ATP6V0E1: variants seen among roughly 807,000 people sequenced by gnomAD.
ATP6V0E1 encodes the protein ATPase H+ transporting V0 subunit e1, also known as V-type proton ATPase subunit e 1.
ATP6V0E1 carries 4 observed loss-of-function variants against 11.6 expected under a neutral mutation model. The ratio of observed to expected loss-of-function variants is 0.35; its 90% CI spans 0.17 to 0.79. The LOEUF is 0.79. Ranked by LOEUF, ATP6V0E1 falls within the 30% of genes least tolerant of loss-of-function variation. ATP6V0E1 has a pLI of 0.54. For missense variants in ATP6V0E1, 105 were observed against 100.0 expected, an observed-to-expected ratio of 1.05 and a Z score of -0.21; for synonymous variants, 36 against 34.8, an observed-to-expected ratio of 1.04 and a Z score of -0.13.
At chr5:173,030,592 C>T (rs1357862651) in intron 3 of ATP6V0E1, among the ~76,000 whole-genome samples, 1 of 151,884 alleles carries the variant, frequency 6.6e-6, no homozygotes, top group African/African-American at 2.4e-5. Context: ...AGGAATGTGC[C>T]ACCATACCCG....
chr5:172,992,196 G>A (rs1262947300), intron 1 of ATP6V0E1, among the ~76,000 whole-genome samples: 38 of 152,026 alleles, frequency 2.5e-4, no homozygotes, highest in Admixed American at 1.3e-3. Context: ...GACTACAGGC[G>A]CCCGCCACCA....
In ATP6V0E1 at chr5:172,983,948, A is replaced by C; in HGVS notation, c.88A>C (p.Lys30Gln). 1.9e-6 allele frequency: 3 copies of C among 1,612,702 alleles called. No homozygotes were observed. The highest frequency in any genetic ancestry group is 2.5e-6 in the Non-Finnish European group (3 of 1,179,768). Residue 30 changes from lysine to glutamine, a missense_variant, in exon 1 of 4, where the codon AAG becomes CAG. Physicochemically the swap from Lys to Gln is moderately conservative, Grantham distance 53. Transcript: ENST00000519374. Reference sequence around the variant, plus strand: ...CTTCTTGGTGCCTTGGTTCATCCCTAAGGGTCCTAACCGGGGGTAAGTGCG... The same window carrying C: ...CTTCTTGGTGCCTTGGTTCATCCCTCAGGGTCCTAACCGGGGGTAAGTGCG... ...VGFLVPWFIP[K>Q]GPNRGVIITM...
rs576869340 is a variant in ATP6V0E1, at chr5:173,005,434, G to T, written c.152+10612G>T. On this transcript the variant is annotated intron_variant, in intron 2 of 3. Transcript: ENST00000519374. ...TTGCCATGTTGCCCAGGATGGTCTC[G>T]ATCTCCTGGGCTCAAACGATCTGCC... 2.1e-3 allele frequency among the ~76,000 whole-genome samples: 318 copies of T among 152,240 alleles called. 1 individual carries two copies. The highest frequency in any genetic ancestry group is 4.1e-3 in the Non-Finnish European group (277 of 68,022).
At chr5:173,026,804 G>C (rs1410948429) in intron 3 of ATP6V0E1, among the ~76,000 whole-genome samples, 1 of 152,072 alleles carries the variant, frequency 6.6e-6, no homozygotes, top group African/African-American at 2.4e-5. Flanking sequence ...GCAATCTCTG[G>C]TTTAAAGATA....
At chr5:173,000,867 T>A in intron 2 of ATP6V0E1, among the ~76,000 whole-genome samples, 1 of 152,162 alleles carries the variant, frequency 6.6e-6, no homozygotes, top group African/African-American at 2.4e-5. Flanking sequence ...TGCCTGGCTA[T>A]TTTTTGTATT....
intron 3 of ATP6V0E1, among the ~76,000 whole-genome samples, chr5:173,031,064 G>T (rs1315652873): frequency 1.3e-5 from 2 of 151,418 alleles, no homozygotes; most frequent in South Asian, 2.1e-4. Context: ...CCTGCCTCAG[G>T]CTCCCAAGTA....
intron 3 of ATP6V0E1, among the ~76,000 whole-genome samples, chr5:173,022,736 G>T (rs1290369339): frequency 6.6e-6 from 1 of 152,078 alleles, no homozygotes; most frequent in African/African-American, 2.4e-5. Flanking sequence ...TGGCTCAAGT[G>T]ATCCTCCTGC....
intron 1 of ATP6V0E1, among the ~76,000 whole-genome samples, chr5:172,988,764 C>T (rs1402227655): frequency 2.0e-5 from 3 of 152,138 alleles, no homozygotes; most frequent in Non-Finnish European, 4.4e-5. Flanking sequence ...TCTCGGCTCA[C>T]TGAAACCTCC....
intron 3 of ATP6V0E1, among the ~76,000 whole-genome samples, chr5:173,025,140 A>ATTCTTTT: frequency 9.0e-6 from 1 of 111,016 alleles, no homozygotes; most frequent in East Asian, 2.6e-4. Flanking sequence ...TGTGCCTGGC[A>ATTCTTTT]TTCTTTTTTT....
At chr5:173,012,346 G>A (rs937289799) in intron 2 of ATP6V0E1, among the ~76,000 whole-genome samples, 2 of 151,502 alleles carry the variant, frequency 1.3e-5, no homozygotes, top group Admixed American at 6.6e-5. Context: ...AGATGTGTGC[G>A]TGTGTGTGTA....
intron 2 of ATP6V0E1, among the ~76,000 whole-genome samples, chr5:173,000,467 C>G (rs1581627666): frequency 6.6e-6 from 1 of 152,262 alleles, no homozygotes; most frequent in South Asian, 2.1e-4. Flanking sequence ...TGTGAAGACA[C>G]AGTTGTTTCT....
At chr5:173,017,591 C>G (rs1756420659) in intron 2 of ATP6V0E1, among the ~76,000 whole-genome samples, 1 of 150,106 alleles carries the variant, frequency 6.7e-6, no homozygotes, top group Non-Finnish European at 1.5e-5. Context: ...GCCTGTAATC[C>G]CAGCACTTTG....
chr5:173,032,254 TTTATTTA>T (rs758275656), intron 3 of ATP6V0E1, among the ~76,000 whole-genome samples: 7,673 of 89,292 alleles, frequency 0.086, 291 homozygotes, highest in Middle Eastern at 0.16. Context: ...TTTTATTTTA[TTTATTTA>T]TTTATTTATT....
At chr5:173,033,658 C>T (rs1756698490) in intron 3 of ATP6V0E1, among the ~76,000 whole-genome samples, 2 of 151,988 alleles carry the variant, frequency 1.3e-5, no homozygotes, top group African/African-American at 4.8e-5. Context: ...ACCTGGGCAG[C>T]ATGGTGAAAC....
chr5:173,034,656 G>A lies in ATP6V0E1; in HGVS notation c.*294G>A, dbSNP rs138021157. The stretch of plus-strand genomic sequence containing the variant: ...AAGATGCTGTTCTTCTGAGAGATAC[G>A]TTACTCTCTCCTTGGAATCTGTGGA... On this transcript the variant is annotated 3_prime_UTR_variant, in exon 4 of 4. Transcript: ENST00000519374. The A allele has an allele frequency of 2.3e-3, 1,262 of 537,772 alleles. 15 individuals carry two copies. The highest frequency in any genetic ancestry group is 0.021 in the African/African-American group (1,120 of 52,952). 33.3% of individuals were successfully genotyped at this position (537,772 alleles called of 1,614,324 possible). A position where few individuals can be genotyped will look rare whatever the true frequency, so the allele number is the denominator to read the frequency against.
At chr5:172,998,190 CTT>C (rs999790390) in intron 2 of ATP6V0E1, among the ~76,000 whole-genome samples, 10 of 104,880 alleles carry the variant, frequency 9.5e-5, no homozygotes, top group Middle Eastern at 6.3e-3. Flanking sequence ...AAAATTTAGT[CTT>C]TTTTTTTTTT....
At chr5:172,988,321 T>A (rs1333799336) in intron 1 of ATP6V0E1, among the ~76,000 whole-genome samples, 1 of 152,210 alleles carries the variant, frequency 6.6e-6, no homozygotes, top group African/African-American at 2.4e-5. Context: ...CTGCTCTTGG[T>A]TGGATTGAGC....
intron 2 of ATP6V0E1, 49 bp from the exon 3 acceptor site, chr5:173,020,189 T>A (rs979105684): frequency 2.7e-6 from 4 of 1,474,922 alleles, no homozygotes; most frequent in Non-Finnish European, 3.8e-6. Flanking sequence ...ATGGTCATGT[T>A]CCAACATGAT....
At chr5:173,008,302 C>CTTTTTT (rs1219833765) in intron 2 of ATP6V0E1, among the ~76,000 whole-genome samples, 3 of 132,508 alleles carry the variant, frequency 2.3e-5, no homozygotes, top group Non-Finnish European at 3.3e-5. Context: ...CTTTTCTTTT[C>CTTTTTT]TTTTTTTTTT....
Sources: allele counts gnomAD v4.1 joint callset (sites outside exome capture counted in the v4.1 genomes callset), GRCh38; gene constraint gnomAD v4.1.1; transcripts MANE v1.5; gene names NCBI Gene and HGNC (gene_info 2026-07-23, HGNC 2026-07-21).